SATB2: variants seen among roughly 807,000 people sequenced by gnomAD.
The protein encoded by SATB2 is DNA-binding protein SATB2.
SATB2 carries 1 observed loss-of-function variant against 73.4 expected under a neutral mutation model. The observed-to-expected ratio is 0.01, with a 90% CI of 0.00 to 0.06. The LOEUF (loss-of-function observed/expected upper bound fraction) is 0.06, where lower values mean the gene tolerates loss of function less well. Among genes scored for constraint, SATB2 ranks in the 10% least tolerant of loss-of-function variants. SATB2 has a pLI of 1.00. For missense variants in SATB2, 459 were observed against 945.8 expected (o/e 0.49, Z 6.75); for synonymous variants, 397 against 367.0 (o/e 1.08, Z -0.93).
intron 5 of SATB2, among the ~76,000 whole-genome samples, chr2:199,379,005 G>A (rs767117670): frequency 2.6e-4 from 39 of 152,192 alleles, no homozygotes; most frequent in Non-Finnish European, 4.6e-4. Context: ...TCTGTAATAG[G>A]TTTCTCATTA....
chr2:199,286,107 T>C (rs939794261), intron 10 of SATB2, among the ~76,000 whole-genome samples: 2 of 145,282 alleles, frequency 1.4e-5, no homozygotes, highest in African/African-American at 5.0e-5. Context: ...TGAGAACAAC[T>C]ATACCAACAG....
intron 9 of SATB2, among the ~76,000 whole-genome samples, chr2:199,316,844 A>G (rs1687749339): frequency 6.6e-6 from 1 of 152,100 alleles, no homozygotes; most frequent in Non-Finnish European, 1.5e-5. Context: ...GTGTTTGTCA[A>G]AAAAGAAGAA....
chr2:199,341,911 G>A (rs2105813747), intron 7 of SATB2, among the ~76,000 whole-genome samples: 1 of 152,292 alleles, frequency 6.6e-6, no homozygotes, highest in East Asian at 1.9e-4. Flanking sequence ...ACAGGGAAGA[G>A]AAGAAATGCA....
chr2:199,429,346 A>G (rs972118287), intron 3 of SATB2, among the ~76,000 whole-genome samples: 3 of 152,192 alleles, frequency 2.0e-5, no homozygotes, highest in Non-Finnish European at 4.4e-5. Context: ...ATTCTAATAC[A>G]TTGCCTTCAT....
chr2:199,297,745 A>G (rs1022774423), intron 10 of SATB2, among the ~76,000 whole-genome samples: 4 of 152,148 alleles, frequency 2.6e-5, no homozygotes, highest in African/African-American at 7.2e-5. Flanking sequence ...CAAGGACAGC[A>G]GAAGTCTCAG....
At chr2:199,405,218 C>T (rs1690595035) in intron 3 of SATB2, among the ~76,000 whole-genome samples, 1 of 152,166 alleles carries the variant, frequency 6.6e-6, no homozygotes, top group Non-Finnish European at 1.5e-5. Flanking sequence ...TACATGGTGA[C>T]AATCTGTTCT....
At position 199,368,493 on chromosome 2, in the gene SATB2, T is replaced by C; in HGVS notation, c.700+112A>G. ...ACAGGAATATTAAAGATCTCACCTT[T>C]GTAAAAAAATTACGTAAATTGTATC... On this transcript the variant is annotated intron_variant, in intron 6 of 10. Coordinates refer to ENST00000417098, the MANE Select transcript of SATB2 (RefSeq NM_001172509.2). 7 of 716,988 alleles carry C rather than the reference T, an allele frequency of 9.8e-6. 1 individual carries two copies. The South Asian group carries it at 1.1e-4, about 11-fold the overall frequency. 44.4% of individuals were successfully genotyped at this position (716,988 alleles called of 1,614,324 possible).
At chr2:199,428,274 G>C (rs1691394954) in intron 3 of SATB2, among the ~76,000 whole-genome samples, 1 of 152,058 alleles carries the variant, frequency 6.6e-6, no homozygotes, top group Non-Finnish European at 1.5e-5. Context: ...CTTTTTGTTT[G>C]CTTTTAAATT....
At chr2:199,294,784 C>T (rs1352041941) in intron 10 of SATB2, among the ~76,000 whole-genome samples, 1 of 152,190 alleles carries the variant, frequency 6.6e-6, no homozygotes, top group African/African-American at 2.4e-5. Context: ...CTCACTTTAG[C>T]ACCTTCTGCT....
upstream of SATB2, chr2:199,458,541 T>G: frequency 2.8e-6 from 1 of 357,662 alleles, no homozygotes; most frequent in Non-Finnish European, 5.4e-6. Flanking sequence ...CTCCTCCTTG[T>G]GGCGGGTCCA....
intron 3 of SATB2, among the ~76,000 whole-genome samples, chr2:199,429,445 C>G (rs1379348326): frequency 2.6e-5 from 4 of 152,056 alleles, no homozygotes; most frequent in African/African-American, 7.2e-5. Context: ...TTAAAGACAC[C>G]TTTTCTGTGT....
At chr2:199,375,983 G>T (rs1689592412) in intron 5 of SATB2, among the ~76,000 whole-genome samples, 1 of 152,154 alleles carries the variant, frequency 6.6e-6, no homozygotes, top group African/African-American at 2.4e-5. Flanking sequence ...AAAACTGCAT[G>T]CATCTGTTCT....
Position 199,348,980 on chromosome 2 carries a change from A to G in SATB2, c.894T>C (p.Leu298=). The G allele has an allele frequency of 6.2e-7, 1 of 1,614,148 alleles. No individual in the cohort carries two copies. Among genetic ancestry groups the G allele is most frequent in the Non-Finnish European group, 8.5e-7 (1 of 1,180,010 alleles). The change falls in exon 7 of 11, where the codon CTT becomes CTC. Residue 298 remains leucine (L), a synonymous_variant. Coordinates refer to ENST00000417098, the MANE Select transcript of SATB2 (RefSeq NM_001172509.2). The part of the protein sequence containing the change: ...ALQPIMSPGL[L]SPQLSPQLVR... ...CAAGTTGTGGACTAAGCTGGGGAGAAAGAAGACCAGGGCTCATGATGGGCT... is the reference window on the plus strand; with the variant it reads ...CAAGTTGTGGACTAAGCTGGGGAGAGAGAAGACCAGGGCTCATGATGGGCT...
At chr2:199,349,260 T>C in intron 6 of SATB2, 87 bp from the exon 7 acceptor site, 3 of 1,060,344 alleles carry the variant, frequency 2.8e-6, no homozygotes, top group South Asian at 1.4e-5. Context: ...TATCATACTT[T>C]TGGCATGTTA....
intron 4 of SATB2, 36 bp downstream of exon 4, chr2:199,381,658 G>C (rs1228988201): frequency 1.2e-6 from 2 of 1,613,128 alleles, no homozygotes; most frequent in African/African-American, 2.7e-5. Context: ...GAGCAGCTCT[G>C]ACAGTAAGGA....
rs1184531006 is a variant in SATB2, at chr2:199,349,121, A to T, written c.753T>A (p.Arg251=). ...NLSDYCVLGQ[R]PMHLPNMNQL... is the part of the protein sequence containing the mutation. ...GGTTCATATTTGGTAAATGCATTGG[A>T]CGCTGGCCCAGAACACAATAGTCTG... Residue 251 remains arginine, a synonymous_variant, in exon 7 of 11, where the codon CGT becomes CGA. Transcript: ENST00000417098. 4.3e-6 allele frequency: 7 copies of T among 1,613,820 alleles called. No individual in the cohort carries two copies. The highest frequency in any genetic ancestry group is 5.9e-6 in the Non-Finnish European group (7 of 1,179,916).
At chr2:199,396,478 T>C (rs1690304717) in intron 3 of SATB2, 1 of 152,150 alleles carries the variant, frequency 6.6e-6, no homozygotes, top group African/African-American at 2.4e-5. Flanking sequence ...TTTACAAAAA[T>C]GAGAATAACA....
intron 6 of SATB2, among the ~76,000 whole-genome samples, chr2:199,351,639 A>G (rs1688823134): frequency 6.6e-6 from 1 of 152,208 alleles, no homozygotes; most frequent in African/African-American, 2.4e-5. Flanking sequence ...CAGTTTCCAT[A>G]GAACAGGAAT....
chr2:199,319,759 C>G (rs1297207356), intron 9 of SATB2, among the ~76,000 whole-genome samples: 1 of 151,586 alleles, frequency 6.6e-6, no homozygotes, highest in Non-Finnish European at 1.5e-5. Flanking sequence ...ATTAACTCTC[C>G]TCTCAAAGAA....
Sources: allele counts gnomAD v4.1 joint callset (sites outside exome capture counted in the v4.1 genomes callset), GRCh38; gene constraint gnomAD v4.1.1; transcripts MANE v1.5; gene names NCBI Gene and HGNC (gene_info 2026-07-23, HGNC 2026-07-21).